The following ATP1A1 variants were observed in gnomAD, a reference collection of about 807,000 sequenced individuals.
ATP1A1 encodes the protein sodium/potassium-transporting ATPase subunit alpha-1.
Under a neutral mutation model 114.8 loss-of-function variants are expected in ATP1A1, and 14 were observed. The observed-to-expected ratio is 0.12, with a 90% CI of 0.08 to 0.19. The LOEUF is 0.19. ATP1A1 is among the 10% of genes least tolerant of loss of function. The pLI is 1.00. For synonymous variants in ATP1A1, 471 were observed against 466.3 expected, an observed-to-expected ratio of 1.01 and a Z score of -0.13; for missense variants, 524 against 1,290.7, an observed-to-expected ratio of 0.41 and a Z score of 9.10.
chr1:116,403,595 C>T (rs1342279704), intron 21 of ATP1A1, among the ~76,000 whole-genome samples: 1 of 152,222 alleles, frequency 6.6e-6, no homozygotes, highest in Non-Finnish European at 1.5e-5. Flanking sequence ...GTACTCTGCT[C>T]ATCCTATAAA....
At position 116,393,673 on chromosome 1, in the gene ATP1A1, C is replaced by G; in HGVS notation, c.1610C>G (p.Ala537Gly). ...CCCCTGGATGAGGAGCTGAAAGACG[C>G]CTTTCAGAACGCCTATTTGGAGCTG... ...EQPLDEELKDAFQNAYLELGG... is the reference protein window; with the variant it reads ...EQPLDEELKDGFQNAYLELGG... The change falls in exon 12 of 23, where the codon GCC (alanine) becomes GGC (glycine). Residue 537 changes from alanine (A) to glycine (G), a missense_variant. By Grantham distance (60) the Ala-to-Gly change is moderately conservative (BLOSUM62 0). Transcript: ENST00000295598. This position sits in a 1 kb window ranked among gnomAD's most constrained non-coding sequence, Gnocchi z 5.0. 6.2e-7 allele frequency: 1 copy of G among 1,614,120 alleles called. No individual in the cohort carries two copies. The highest frequency in any genetic ancestry group is 8.5e-7 in the Non-Finnish European group (1 of 1,180,034).
intron 18 of ATP1A1, among the ~76,000 whole-genome samples, 169 bp from the exon 19 acceptor site, chr1:116,400,692 T>C (rs1653389858): frequency 6.6e-6 from 1 of 152,068 alleles, no homozygotes; most frequent in African/African-American, 2.4e-5. Context: ...CTCCATCCCA[T>C]CCCTCATAGC....
At chr1:116,386,711 T>G (rs1288795675) in intron 3 of ATP1A1, among the ~76,000 whole-genome samples, 1 of 152,166 alleles carries the variant, frequency 6.6e-6, no homozygotes, top group Non-Finnish European at 1.5e-5. Context: ...TGAGTACTTT[T>G]CAGTCAACAG....
In ATP1A1 at chr1:116,389,704, C is replaced by G; in HGVS notation, c.1020C>G (p.Val340=). The G allele has an allele frequency of 6.2e-7, 1 of 1,614,064 alleles. No homozygotes were observed. The highest frequency in any genetic ancestry group is 8.5e-7 in the Non-Finnish European group (1 of 1,179,952). The change falls in exon 8 of 23, where the codon GTC becomes GTG. Residue 340 remains valine (V), a synonymous_variant. Transcript: ENST00000295598. This position sits in a 1 kb window ranked among gnomAD's most constrained non-coding sequence, Gnocchi z 6.9. The part of the protein sequence containing the change: ...ANVPEGLLAT[V]TVCLTLTAKR... ...TGCCGGAAGGTTTGCTGGCCACTGTCACGGTAAGAGGCAGGTGATGGTCAC... is the reference window on the plus strand; with the variant it reads ...TGCCGGAAGGTTTGCTGGCCACTGTGACGGTAAGAGGCAGGTGATGGTCAC...
rs925936289 is a variant in ATP1A1, at chr1:116,374,985, G to T, written c.12+1462G>T. 2.0e-5 allele frequency among the ~76,000 whole-genome samples: 3 copies of T among 152,316 alleles called. No individual in the cohort carries two copies. In the South Asian group the frequency reaches 6.2e-4, roughly 32 times the overall value. On this transcript the variant is annotated intron_variant, in intron 1 of 22. Coordinates refer to ENST00000295598, the MANE Select transcript of ATP1A1 (RefSeq NM_000701.8). ...CGTGGAGGGCTGGTCCAGGTCAGGT[G>T]GCATCAAAGAGCGGAGTACAGGGCC...
At chr1:116,396,766 G>A in intron 14 of ATP1A1, 32 bp downstream of exon 14, 1 of 1,534,180 alleles carries the variant, frequency 6.5e-7, no homozygotes, top group South Asian at 1.3e-5. Context: ...ACAGTCTGCT[G>A]TGAACAAGCA....
In ATP1A1 at chr1:116,397,244, T is replaced by C. The variant is rs965995817; in HGVS notation, c.1973+510T>C. Among the ~76,000 whole-genome samples, 3 of 152,228 alleles carry C rather than the reference T, an allele frequency of 2.0e-5. No homozygotes were observed. The highest frequency in any genetic ancestry group is 7.2e-5 in the African/African-American group (3 of 41,460). On this transcript the variant is annotated intron_variant, in intron 14 of 22. Transcript: ENST00000295598. The surrounding 1 kb of genome is among the most constrained non-coding windows in gnomAD (Gnocchi z 4.2). Reference sequence around the variant, plus strand: ...AGCAAATTGGTTTTGTTTTAAGGTTTAGGGCCCTTTCACCCTATGTTACGG... The same window carrying C: ...AGCAAATTGGTTTTGTTTTAAGGTTCAGGGCCCTTTCACCCTATGTTACGG...
Position 116,395,218 on chromosome 1 carries a change from C to G in ATP1A1, c.1769C>G (p.Ser590Cys), listed in dbSNP as rs768973685. 6 of 1,614,156 alleles carry G rather than the reference C, an allele frequency of 3.7e-6. No individual in the cohort carries two copies. The highest frequency in any genetic ancestry group is 4.2e-6 in the Non-Finnish European group (5 of 1,180,020). Residue 590 changes from serine (S) to cysteine (C), a missense_variant, in exon 13 of 23, where the codon TCC (serine) becomes TGC (cysteine). Coordinates refer to ENST00000295598, the MANE Select transcript of ATP1A1 (RefSeq NM_000701.8). This position sits in a 1 kb window ranked among gnomAD's most constrained non-coding sequence, Gnocchi z 6.4. Reference protein sequence around the residue: ...IDNLCFVGLISMIDPPRAAVP... With the variant: ...IDNLCFVGLICMIDPPRAAVP... ...AATCTGTGCTTTGTTGGGCTCATCT[C>G]CATGATTGACCCTCCACGGGCGGCC... is the stretch of plus-strand genomic sequence containing the variant.
rs892061309 is a variant in ATP1A1 at position 116,399,171 on chromosome 1, G to A, written c.2448+87G>A. 4.5e-6 allele frequency: 7 copies of A among 1,570,200 alleles called. No individual in the cohort carries two copies. The highest frequency in any genetic ancestry group is 1.7e-4 in the Middle Eastern group (1 of 5,926). Reference sequence around the variant, plus strand: ...GGCACTATGCTCCCAGCATCCATGAGGCTGGCGTTGGGAAAAGAAATTCTC... The same window carrying A: ...GGCACTATGCTCCCAGCATCCATGAAGCTGGCGTTGGGAAAAGAAATTCTC... On this transcript the variant is annotated intron_variant, in intron 17 of 22. Transcript: ENST00000295598. The surrounding 1 kb of genome is among the most constrained non-coding windows in gnomAD (Gnocchi z 5.0).
Position 116,403,923 on chromosome 1 carries a change from C to T in ATP1A1, c.2991C>T (p.Leu997=). The T allele has an allele frequency of 6.2e-7, 1 of 1,614,222 alleles. No homozygotes were observed. The highest frequency in any genetic ancestry group is 8.5e-7 in the Non-Finnish European group (1 of 1,180,034). The change falls in exon 22 of 23, where the codon CTC becomes CTT. Residue 997 remains leucine (L), a synonymous_variant. Transcript: ENST00000295598. ...TCTGTGCCTTCCCCTACTCTCTTCT[C>T]ATCTTCGTATATGACGAAGTCAGAA... ...WWFCAFPYSL[L]IFVYDEVRKL... is the part of the protein sequence containing the mutation.
chr1:116,386,200 A>T (rs941117147), intron 3 of ATP1A1: 1 of 149,508 alleles, frequency 6.7e-6, no homozygotes, highest in Non-Finnish European at 1.5e-5. Flanking sequence ...TGACACAAGC[A>T]CTTTAAGCTC....
In ATP1A1 at chr1:116,387,507, C is replaced by A. The variant is rs1652178619; in HGVS notation, c.387+16C>A. On this transcript the variant is annotated intron_variant, in intron 4 of 22. Transcript: ENST00000295598. The surrounding 1 kb of genome is among the most constrained non-coding windows in gnomAD (Gnocchi z 6.7). ...AAACGATAATGTGAGTTCTGTAATT[C>A]AGCATATGGATTTGTAGTACACATC... is the stretch of plus-strand genomic sequence containing the variant. 2 of 1,613,358 alleles carry A rather than the reference C, an allele frequency of 1.2e-6. No individual in the cohort carries two copies. Among genetic ancestry groups the A allele is most frequent in the African/African-American group, 1.3e-5 (1 of 75,010 alleles).
In ATP1A1 at chr1:116,397,268, G is replaced by A. The variant is rs988015521; in HGVS notation, c.1973+534G>A. Among the ~76,000 whole-genome samples the A allele has an allele frequency of 8.5e-5, 13 of 152,148 alleles. No individual in the cohort carries two copies. Among genetic ancestry groups the A allele is most frequent in the African/African-American group, 3.1e-4 (13 of 41,446 alleles). On this transcript the variant is annotated intron_variant, in intron 14 of 22. Coordinates refer to ENST00000295598, the MANE Select transcript of ATP1A1 (RefSeq NM_000701.8). The surrounding 1 kb of genome is among the most constrained non-coding windows in gnomAD (Gnocchi z 4.2). ...TTAGGGCCCTTTCACCCTATGTTAC[G>A]GTTAGAGGAGGGTTTGGTCTTGTAT... is the stretch of plus-strand genomic sequence containing the variant.
At chr1:116,383,521 G>C in intron 1 of ATP1A1, 1 of 319,872 alleles carries the variant, frequency 3.1e-6, no homozygotes, top group Non-Finnish European at 4.6e-6. Flanking sequence ...TTGAAATGTA[G>C]AAGTTAGTAA....
chr1:116,401,260 A>G lies in ATP1A1; in HGVS notation c.2849A>G (p.Lys950Arg). 6.2e-7 allele frequency: 1 copy of G among 1,614,190 alleles called. No individual in the cohort carries two copies. Among genetic ancestry groups the G allele is most frequent in the South Asian group, 1.1e-5 (1 of 91,076 alleles). The stretch of plus-strand genomic sequence containing the variant: ...AATTCGGTCTTCCAGCAGGGGATGA[A>G]GTAAGTAATGAAGGACATGTCAAGG... ...RRNSVFQQGM[K>R]NKILIFGLFE... Residue 950 changes from lysine (K) to arginine (R), a missense_variant and splice_region_variant, in exon 20 of 23, where the codon AAG (lysine) becomes AGG (arginine). Lys to Arg is a conservative substitution (Grantham distance 26). Coordinates refer to ENST00000295598, the MANE Select transcript of ATP1A1 (RefSeq NM_000701.8). This position sits in a 1 kb window ranked among gnomAD's most constrained non-coding sequence, Gnocchi z 4.7.
chr1:116,404,103 C>A lies in ATP1A1; in HGVS notation c.3043+128C>A. ...AGTCTGATTAGCTAAGGTGACTGGA[C>A]CAGCAAACTGACCATAGTCACATCT... is the stretch of plus-strand genomic sequence containing the variant. On this transcript the variant is annotated intron_variant, in intron 22 of 22. Transcript: ENST00000295598. This position sits in a 1 kb window ranked among gnomAD's most constrained non-coding sequence, Gnocchi z 4.8. 1 of 880,000 alleles carries A rather than the reference C, an allele frequency of 1.1e-6. No homozygotes were observed. The allele number at this position is 880,000 out of a possible 1,614,324, so 54.5% of individuals were successfully genotyped here. A position where few individuals can be genotyped will look rare whatever the true frequency, so the allele number is the denominator to read the frequency against.
In ATP1A1 at chr1:116,404,423, G is replaced by A. The variant is rs1653801911; in HGVS notation, c.3051G>A (p.Val1017=). 2 of 1,613,250 alleles carry A rather than the reference G, an allele frequency of 1.2e-6. No individual in the cohort carries two copies. The highest frequency in any genetic ancestry group is 3.3e-5 in the Admixed American group (2 of 59,850). ...TCTCTTTGCCACCCACAGGCTGGGT[G>A]GAGAAGGAAACCTACTATTAGCCCC... ...LIIRRRPGGW[V]EKETYY The change falls in exon 23 of 23, where the codon GTG becomes GTA. Residue 1017 remains valine (V), a synonymous_variant. Coordinates refer to ENST00000295598, the MANE Select transcript of ATP1A1 (RefSeq NM_000701.8). The surrounding 1 kb of genome is among the most constrained non-coding windows in gnomAD (Gnocchi z 4.8).
Position 116,401,644 on chromosome 1 carries a change from G to A in ATP1A1, c.2940G>A (p.Met980Ile). Reference sequence around the variant, plus strand: ...CTGGAATGGGTGTTGCTCTTAGGATGTATCCCCTCAAGTAAGTTGATCCTC... The same window carrying A: ...CTGGAATGGGTGTTGCTCTTAGGATATATCCCCTCAAGTAAGTTGATCCTC... The part of the protein sequence containing the change: ...YCPGMGVALR[M>I]YPLKPTWWFC... Residue 980 changes from methionine to isoleucine, a missense_variant, in exon 21 of 23, where the codon ATG (methionine) becomes ATA (isoleucine). By Grantham distance (10) the Met-to-Ile change is conservative. This residue lies in a region of ATP1A1 where 84 missense variants were observed against 209.3 expected (regional missense o/e 0.40). Transcript: ENST00000295598. This position sits in a 1 kb window ranked among gnomAD's most constrained non-coding sequence, Gnocchi z 4.7. 1 of 1,614,080 alleles carries A rather than the reference G, an allele frequency of 6.2e-7. No individual in the cohort carries two copies. The highest frequency in any genetic ancestry group is 8.5e-7 in the Non-Finnish European group (1 of 1,179,970).
rs760788037 is a variant in ATP1A1, at chr1:116,373,454, C to G, written c.-58C>G. ...TCGCTCGGCCGGGAGCTGCTCTGTG[C>G]TTTTCTCTCTGATTCTCCAGCGACA... On this transcript the variant is annotated 5_prime_UTR_variant, in exon 1 of 23. Coordinates refer to ENST00000295598, the MANE Select transcript of ATP1A1 (RefSeq NM_000701.8). The G allele has an allele frequency of 4.2e-6, 6 of 1,432,478 alleles. No homozygotes were observed. Among genetic ancestry groups the G allele is most frequent in the South Asian group, 2.5e-5 (2 of 79,774 alleles). 88.7% of individuals were successfully genotyped at this position (1,432,478 alleles called of 1,614,324 possible). A position where few individuals can be genotyped will look rare whatever the true frequency, so the allele number is the denominator to read the frequency against.
Sources: allele counts gnomAD v4.1 joint callset (sites outside exome capture counted in the v4.1 genomes callset), GRCh38; gene constraint gnomAD v4.1.1; regional missense constraint gnomAD v4.1.1; non-coding constraint Gnocchi (gnomAD v3.1); transcripts MANE v1.5; gene names NCBI Gene and HGNC (gene_info 2026-07-23, HGNC 2026-07-21).